STK31: variants seen among roughly 807,000 people sequenced by gnomAD.
STK31 encodes serine/threonine-protein kinase 31.
A neutral mutation model predicts 129.7 loss-of-function variants in STK31; 89 were observed. The observed-to-expected ratio is 0.69, with a 90% CI of 0.58 to 0.82. The LOEUF (loss-of-function observed/expected upper bound fraction) is 0.82, where lower values mean the gene tolerates loss of function less well. Among genes scored for constraint, STK31 ranks in the 40% least tolerant of loss-of-function variants. The pLI, the probability that STK31 is intolerant of heterozygous loss-of-function variation, is 0.00. For synonymous variants in STK31, 448 were observed against 395.3 expected (o/e 1.13, Z -1.58); for missense variants, 1,187 against 1,176.4 (o/e 1.01, Z -0.13).
intron 8 of STK31, among the ~76,000 whole-genome samples, chr7:23,739,982 T>G (rs1039079062): frequency 6.6e-6 from 1 of 152,212 alleles, no homozygotes; most frequent in Non-Finnish European, 1.5e-5. Context: ...ATATGAAATT[T>G]AAAGTAGTTT....
chr7:23,785,720 T>TG, intron 18 of STK31, 117 bp downstream of exon 18: 4 of 1,333,232 alleles, frequency 3.0e-6, no homozygotes, highest in Non-Finnish European at 4.0e-6. Context: ...ATAAGTTGAC[T>TG]GGCATGATAA....
chr7:23,787,032 A>G (rs917843275), intron 20 of STK31, 108 bp downstream of exon 20: 1 of 1,051,688 alleles, frequency 9.5e-7, no homozygotes, highest in Non-Finnish European at 1.4e-6. Flanking sequence ...ATTTTGACTC[A>G]TGGTATTCTA....
intron 22 of STK31, among the ~76,000 whole-genome samples, chr7:23,802,023 A>G (rs9297121): frequency 1.7e-3 from 266 of 152,114 alleles, no homozygotes; most frequent in Non-Finnish European, 2.8e-3. Context: ...TATATATTTT[A>G]TTTTATATTT....
At chr7:23,729,336 A>T in intron 6 of STK31, 87 bp downstream of exon 6, 1 of 1,224,982 alleles carries the variant, frequency 8.2e-7, no homozygotes, top group Non-Finnish European at 1.1e-6. Flanking sequence ...ATCTTACTTT[A>T]ATATAAAAGT....
At chr7:23,726,332 A>T (rs1241009577) in intron 4 of STK31, 2 of 149,122 alleles carry the variant, frequency 1.3e-5, no homozygotes, top group East Asian at 4.0e-4. Flanking sequence ...CACTCAACAC[A>T]GACTCATCTG....
At chr7:23,719,354 A>T (rs1274687327) in intron 4 of STK31, among the ~76,000 whole-genome samples, 1 of 152,060 alleles carries the variant, frequency 6.6e-6, no homozygotes, top group Non-Finnish European at 1.5e-5. Context: ...TCCTCAACAA[A>T]AACTCCCTCC....
chr7:23,822,313 T>G (rs1433472507), intron 23 of STK31, among the ~76,000 whole-genome samples: 3 of 152,130 alleles, frequency 2.0e-5, no homozygotes, highest in Non-Finnish European at 2.9e-5. Flanking sequence ...GTTTCTTTCA[T>G]CAGTGTTTTG....
chr7:23,760,785 A>T (rs1789415078), intron 10 of STK31, among the ~76,000 whole-genome samples: 1 of 142,052 alleles, frequency 7.0e-6, no homozygotes, highest in Non-Finnish European at 1.5e-5. Context: ...CAGCTTCCCA[A>T]GTAGCTAGGA....
chr7:23,770,776 A>C (rs1232878796), intron 13 of STK31, among the ~76,000 whole-genome samples: 1 of 152,054 alleles, frequency 6.6e-6, no homozygotes. Context: ...CAGCTAATTA[A>C]AAATTTTTTT....
At chr7:23,774,392 C>A (rs939278057) in intron 15 of STK31, among the ~76,000 whole-genome samples, 4 of 152,124 alleles carry the variant, frequency 2.6e-5, no homozygotes, top group African/African-American at 4.8e-5. Context: ...GTTTACAGTC[C>A]CACCAACAGT....
chr7:23,754,341 G>A lies in STK31; in HGVS notation c.1160G>A (p.Gly387Glu), dbSNP rs1208575337. The part of the protein sequence containing the change: ...MRHVDISVRF[G>E]KDLSDAIQVL... Reference sequence around the variant, plus strand: ...CATGTCGACATCAGTGTCCGTTTCGGAAAAGACCTTTCAGATGCTATACAA... The same window carrying A: ...CATGTCGACATCAGTGTCCGTTTCGAAAAAGACCTTTCAGATGCTATACAA... The change falls in exon 10 of 24, where the codon GGA (glycine) becomes GAA (glutamate). Residue 387 changes from glycine (G) to glutamate (E), a missense_variant. Transcript: ENST00000355870. The A allele has an allele frequency of 6.2e-7, 1 of 1,611,322 alleles. No individual in the cohort carries two copies. Among genetic ancestry groups the A allele is most frequent in the African/African-American group, 1.3e-5 (1 of 74,786 alleles).
intron 6 of STK31, among the ~76,000 whole-genome samples, chr7:23,731,397 G>T (rs1438889694): frequency 5.3e-5 from 8 of 152,106 alleles, no homozygotes; most frequent in African/African-American, 1.7e-4. Context: ...TGGTGTTTTA[G>T]TCACTCCGTA....
chr7:23,720,325 T>G (rs1277514229), intron 4 of STK31, among the ~76,000 whole-genome samples: 1 of 152,162 alleles, frequency 6.6e-6, no homozygotes, highest in African/African-American at 2.4e-5. Context: ...TAGCCCTACC[T>G]TGTCAAAGAT....
chr7:23,742,834 T>G (rs897675967), intron 8 of STK31, among the ~76,000 whole-genome samples: 1 of 152,186 alleles, frequency 6.6e-6, no homozygotes, highest in Non-Finnish European at 1.5e-5. Flanking sequence ...TTGGCCATCT[T>G]GATTATTTTC....
intron 15 of STK31, among the ~76,000 whole-genome samples, chr7:23,780,218 GCAGAAATCACT>G (rs1467497813): frequency 6.6e-6 from 1 of 152,112 alleles, no homozygotes; most frequent in African/African-American, 2.4e-5. Flanking sequence ...AGTTTGAAAT[GCAGAAATCACT>G]CACCTTGTCT....
intron 4 of STK31, among the ~76,000 whole-genome samples, chr7:23,717,885 A>G (rs146120284): frequency 6.6e-6 from 1 of 152,296 alleles, no homozygotes; most frequent in Non-Finnish European, 1.5e-5. Context: ...AGTAGTCAAA[A>G]TCATAGAGAC....
At chr7:23,773,774 G>A (rs952431194) in intron 15 of STK31, among the ~76,000 whole-genome samples, 1 of 150,534 alleles carries the variant, frequency 6.6e-6, no homozygotes, top group Non-Finnish European at 1.5e-5. Flanking sequence ...TGTTGCCTAT[G>A]TTGTTTTTTT....
At chr7:23,775,847 C>T (rs192032255) in intron 15 of STK31, among the ~76,000 whole-genome samples, 216 of 152,250 alleles carry the variant, frequency 1.4e-3, no homozygotes, top group African/African-American at 4.9e-3. Flanking sequence ...ATTGCCCTGT[C>T]CAGAACTTCC....
intron 14 of STK31, 119 bp from the exon 15 acceptor site, chr7:23,772,028 G>T: frequency 1.6e-6 from 1 of 616,794 alleles, no homozygotes. Context: ...GATTTTCTTG[G>T]TATTTCAGTC....
Sources: gnomAD v4.1 joint callset for allele counts (sites outside exome capture counted in the v4.1 genomes callset) on GRCh38, gnomAD v4.1.1 for gene constraint, MANE v1.5 for transcripts, NCBI Gene and HGNC (gene_info 2026-07-23, HGNC 2026-07-21) for gene names.